ESRRG: variants seen among roughly 807,000 people sequenced by gnomAD.
ESRRG encodes the protein estrogen-related receptor gamma.
Under a neutral mutation model 44.0 loss-of-function variants are expected in ESRRG, and 13 were observed. The observed-to-expected ratio is 0.30, with a 90% CI of 0.19 to 0.47. ESRRG has a LOEUF of 0.47. ESRRG is among the 20% of genes least tolerant of loss of function. The pLI, the probability that ESRRG is intolerant of heterozygous loss-of-function variation, is 1.00. For missense variants in ESRRG, 395 were observed against 580.6 expected, an observed-to-expected ratio of 0.68 and a Z score of 3.29; for synonymous variants, 215 against 214.6, an observed-to-expected ratio of 1.00 and a Z score of -0.02.
intron 1 of ESRRG, chr1:216,707,284 G>A (rs1433321542): frequency 2.0e-6 from 3 of 1,481,962 alleles, no homozygotes; most frequent in African/African-American, 1.4e-5. Flanking sequence ...CCATATACAA[G>A]TAACGTTGAG....
chr1:216,774,967 A>T (rs79599850), intron 2 of ESRRG, among the ~76,000 whole-genome samples: 1 of 142,080 alleles, frequency 7.0e-6, no homozygotes, highest in Admixed American at 7.1e-5. Flanking sequence ...ATGCTCGGCT[A>T]TTTTTTTTTT....
intron 2 of ESRRG, among the ~76,000 whole-genome samples, chr1:216,809,222 TCTA>T (rs2094893131): frequency 6.6e-6 from 1 of 152,016 alleles, no homozygotes; most frequent in African/African-American, 2.4e-5. Context: ...ACTCTAAAAT[TCTA>T]CTCCTTCCAA....
intron 2 of ESRRG, among the ~76,000 whole-genome samples, chr1:216,894,570 G>T (rs2058195880): frequency 6.6e-6 from 1 of 152,048 alleles, no homozygotes; most frequent in South Asian, 2.1e-4. Context: ...GAACTAGCAG[G>T]CTATAACTTA....
At chr1:216,707,176 T>A (rs894951425) in intron 1 of ESRRG, among the ~76,000 whole-genome samples, 3 of 152,176 alleles carry the variant, frequency 2.0e-5, no homozygotes, top group African/African-American at 7.2e-5. Flanking sequence ...TTCAAACAAA[T>A]CCTTCTTACC....
Position 216,504,537 on chromosome 1 carries a change from T to A in ESRRG, c.*2402A>T, listed in dbSNP as rs2040881974. On this transcript the variant is annotated 3_prime_UTR_variant, in exon 7 of 7. Coordinates refer to ENST00000408911, the MANE Select transcript of ESRRG (RefSeq NM_001438.4). ...GATAGATACACAGTATTCCTAGCAC[T>A]GGGTTGATGTTTCATCAACCCAAGG... 6.6e-6 allele frequency: 1 copy of A among 152,594 alleles called. No homozygotes were observed. The highest frequency in any genetic ancestry group is 1.5e-5 in the Non-Finnish European group (1 of 68,014). 9.5% of individuals were successfully genotyped at this position (152,594 alleles called of 1,614,324 possible).
intron 1 of ESRRG, among the ~76,000 whole-genome samples, chr1:216,975,485 T>C (rs2072686039): frequency 6.6e-6 from 1 of 152,224 alleles, no homozygotes; most frequent in African/African-American, 2.4e-5. Flanking sequence ...CATGATGCAG[T>C]TGCCCTGCCA....
chr1:216,562,201 A>C (rs1383339509), intron 5 of ESRRG, among the ~76,000 whole-genome samples: 1 of 151,958 alleles, frequency 6.6e-6, no homozygotes. Flanking sequence ...CTTGAGCAGA[A>C]CTCTCCGAAA....
At chr1:216,870,998 T>C (rs571139304) in intron 2 of ESRRG, among the ~76,000 whole-genome samples, 1 of 152,134 alleles carries the variant, frequency 6.6e-6, no homozygotes, top group East Asian at 1.9e-4. Flanking sequence ...TATGCTTATA[T>C]CTTTATGAGT....
intron 3 of ESRRG, among the ~76,000 whole-genome samples, chr1:216,590,296 T>G (rs2057431731): frequency 6.6e-6 from 1 of 152,148 alleles, no homozygotes. Context: ...AGTTCTAAGA[T>G]TCGTGGTATG....
chr1:216,614,366 C>A (rs987616385), intron 3 of ESRRG, among the ~76,000 whole-genome samples: 15 of 151,404 alleles, frequency 9.9e-5, no homozygotes, highest in African/African-American at 3.6e-4. Context: ...CATTTGAATA[C>A]AGTGATTGTA....
chr1:216,681,061 G>C (rs970826308), intron 1 of ESRRG, among the ~76,000 whole-genome samples: 1 of 152,132 alleles, frequency 6.6e-6, no homozygotes, highest in Non-Finnish European at 1.5e-5. Context: ...TCTAAATTTA[G>C]TTAAGAATTA....
intron 1 of ESRRG, among the ~76,000 whole-genome samples, chr1:217,045,923 A>C (rs907946761): frequency 3.9e-5 from 6 of 152,184 alleles, no homozygotes; most frequent in African/African-American, 7.2e-5. Flanking sequence ...TAAGTATTTA[A>C]AAATAAAATC....
intron 2 of ESRRG, among the ~76,000 whole-genome samples, chr1:216,903,221 C>T (rs11117722): frequency 0.54 from 82,488 of 151,916 alleles, 22,841 homozygotes; most frequent in East Asian, 0.78. Flanking sequence ...TAATGCTGCA[C>T]TGCAGGGAAT....
intron 2 of ESRRG, chr1:216,939,432 A>T (rs1269809479): frequency 1.3e-5 from 2 of 151,518 alleles, no homozygotes; most frequent in Admixed American, 1.3e-4. Context: ...GGAAAACATT[A>T]TACCTTACTA....
rs542294154 is a variant in ESRRG, at chr1:216,601,344, A to C, written c.590-33246T>G. ...CGCGGAGGGCGCTGCGCGCGTCCGG[A>C]GCCGACGCCGGGCTTCAAACAGAAA... On this transcript the variant is annotated intron_variant, in intron 3 of 6. Coordinates refer to ENST00000408911, the MANE Select transcript of ESRRG (RefSeq NM_001438.4). 2.0e-5 allele frequency among the ~76,000 whole-genome samples: 3 copies of C among 152,160 alleles called. No homozygotes were observed. The East Asian group carries it at 5.8e-4, about 30-fold the overall frequency.
upstream of ESRRG, among the ~76,000 whole-genome samples, chr1:216,728,397 C>T (rs1289875162): frequency 6.6e-6 from 1 of 151,612 alleles, no homozygotes; most frequent in Non-Finnish European, 1.5e-5. Context: ...AACAGTAAAC[C>T]TAAGAGAGGA....
chr1:216,516,884 C>A (rs2044495703), intron 6 of ESRRG, among the ~76,000 whole-genome samples: 1 of 152,008 alleles, frequency 6.6e-6, no homozygotes, highest in Non-Finnish European at 1.5e-5. Flanking sequence ...TTAACAATAT[C>A]AAAGAAAATG....
At chr1:216,664,692 GAAA>G (rs71163758) in intron 2 of ESRRG, among the ~76,000 whole-genome samples, 29,002 of 133,714 alleles carry the variant, frequency 0.22, 3,228 homozygotes, top group South Asian at 0.35. Flanking sequence ...TGCTACTGAA[GAAA>G]AAAAAAAAAA....
intron 1 of ESRRG, among the ~76,000 whole-genome samples, chr1:216,705,890 G>A (rs572212691): frequency 3.4e-4 from 52 of 152,310 alleles, no homozygotes; most frequent in Non-Finnish European, 5.7e-4. Flanking sequence ...CCTGTCTGAT[G>A]CTGCCTGCCT....
Sources: allele counts gnomAD v4.1 joint callset (sites outside exome capture counted in the v4.1 genomes callset), GRCh38; gene constraint gnomAD v4.1.1; transcripts MANE v1.5; gene names NCBI Gene and HGNC (gene_info 2026-07-23, HGNC 2026-07-21).